EPN2: variants seen among roughly 807,000 people sequenced by gnomAD.
EPN2 encodes the protein epsin-2.
Under a neutral mutation model 61.7 loss-of-function variants are expected in EPN2, and 34 were observed. The observed-to-expected ratio is 0.55, with a 90% confidence interval of 0.42 to 0.73. EPN2 has a LOEUF of 0.73. EPN2 is among the 30% of genes least tolerant of loss of function. The probability of loss-of-function intolerance (pLI) is 0.00; values close to 1 mark genes in which losing one functional copy is unlikely to be tolerated. For missense variants in EPN2, 714 were observed against 839.2 expected (o/e 0.85, Z 1.84); for synonymous variants, 349 against 353.6 (o/e 0.99, Z 0.15).
chr17:19,330,149 A>C (rs554695893), intron 9 of EPN2, among the ~76,000 whole-genome samples: 6 of 152,262 alleles, frequency 3.9e-5, no homozygotes, highest in African/African-American at 7.2e-5. Flanking sequence ...AGGTGGATGC[A>C]GTGGGCCAAG....
chr17:19,249,686 G>A (rs1009186985), intron 1 of EPN2, among the ~76,000 whole-genome samples: 2 of 152,236 alleles, frequency 1.3e-5, no homozygotes, highest in Non-Finnish European at 2.9e-5. Flanking sequence ...TGTTTTGTTT[G>A]TGCCTCTTTC....
At chr17:19,276,598 T>C (rs1352397990) in intron 1 of EPN2, 1 of 151,978 alleles carries the variant, frequency 6.6e-6, no homozygotes, top group Non-Finnish European at 1.5e-5. Flanking sequence ...GCTGTCTTCA[T>C]TTAAAAATAT....
Position 19,332,021 on chromosome 17 carries a change from C to T in EPN2, c.1580C>T (p.Thr527Ile), listed in dbSNP as rs1249500599. 1.2e-6 allele frequency: 2 copies of T among 1,613,320 alleles called. No homozygotes were observed. Among genetic ancestry groups the T allele is most frequent in the African/African-American group, 1.3e-5 (1 of 74,912 alleles). Residue 527 changes from threonine (T) to isoleucine (I), a missense_variant, in exon 10 of 11, where the codon ACC (threonine) becomes ATC (isoleucine). Transcript: ENST00000314728. ...CTGGTGAACCTGGACTCACTGGTGA[C>T]CAGGCCTGCCCCACCAGCCCAGTCC... The part of the protein sequence containing the change: ...AALVNLDSLV[T>I]RPAPPAQSLN...
At chr17:19,315,158 A>G (rs1379135484) in intron 7 of EPN2, among the ~76,000 whole-genome samples, 1 of 152,222 alleles carries the variant, frequency 6.6e-6, no homozygotes, top group Non-Finnish European at 1.5e-5. Flanking sequence ...GTCAGGAGAG[A>G]CAAAAATCTC....
chr17:19,245,547 C>T (rs1258544954), intron 1 of EPN2, among the ~76,000 whole-genome samples: 3 of 151,890 alleles, frequency 2.0e-5, no homozygotes, highest in Non-Finnish European at 2.9e-5. Context: ...AGCAATCCTC[C>T]TGCCTCAGCC....
At chr17:19,251,467 A>AT (rs373947146) in intron 1 of EPN2, among the ~76,000 whole-genome samples, 1,567 of 146,700 alleles carry the variant, frequency 0.011, 8 homozygotes, top group Non-Finnish European at 0.015. Context: ...TTGTAGTTGA[A>AT]TTTTTTTTTT....
chr17:19,316,300 G>T (rs762888091), intron 7 of EPN2, among the ~76,000 whole-genome samples: 4 of 152,362 alleles, frequency 2.6e-5, no homozygotes, highest in African/African-American at 9.6e-5. Context: ...CTGAGGATGG[G>T]CACATGTGGC....
At chr17:19,262,767 G>A (rs935241620) in intron 1 of EPN2, among the ~76,000 whole-genome samples, 11 of 151,464 alleles carry the variant, frequency 7.3e-5, no homozygotes, top group African/African-American at 2.7e-4. Context: ...CCAGCCCCTG[G>A]CAACTATCAG....
intron 7 of EPN2, among the ~76,000 whole-genome samples, chr17:19,320,587 T>C (rs1330044270): frequency 6.6e-6 from 1 of 152,218 alleles, no homozygotes; most frequent in Non-Finnish European, 1.5e-5. Flanking sequence ...TCTGTGTGTA[T>C]GCAGAGGACA....
Position 19,277,400 on chromosome 17 carries a change from CAAAAAAAAAA to C in EPN2, c.-293-4543_-293-4534del, listed in dbSNP as rs58679739. 7.9e-5 allele frequency among the ~76,000 whole-genome samples: 6 copies of C among 75,480 alleles called. No homozygotes were observed. The South Asian group carries it at 1.9e-3, about 24-fold the overall frequency. 49.5% of individuals were successfully genotyped at this position (75,480 alleles called of 152,430 possible). On this transcript the variant is annotated intron_variant, in intron 1 of 10. Coordinates refer to ENST00000314728, the MANE Select transcript of EPN2 (RefSeq NM_014964.5). ...TGGGCAAAAGGGTGAGACTCTGTCTCAAAAAAAAAAAAAAAAAAAAAGAGAGAAATAACAG... is the reference window on the plus strand; with the variant it reads ...TGGGCAAAAGGGTGAGACTCTGTCTCAAAAAAAAAAAGAGAGAAATAACAG...
At chr17:19,312,228 C>T (rs1906175344) in intron 6 of EPN2, 84 bp downstream of exon 6, 8 of 945,786 alleles carry the variant, frequency 8.5e-6, no homozygotes, top group African/African-American at 1.6e-5. Context: ...GCCTGGATGG[C>T]GTGATGCACA....
intron 7 of EPN2, among the ~76,000 whole-genome samples, chr17:19,324,198 C>T (rs1906765178): frequency 1.3e-5 from 2 of 152,190 alleles, no homozygotes; most frequent in African/African-American, 4.8e-5. Flanking sequence ...AACACAATTT[C>T]TGATCACAGT....
chr17:19,320,258 G>A (rs781543840), intron 7 of EPN2, among the ~76,000 whole-genome samples: 45 of 152,294 alleles, frequency 3.0e-4, no homozygotes, highest in Middle Eastern at 3.4e-3. Context: ...CCTGTGACCC[G>A]CATGCTGGCT....
intron 1 of EPN2, among the ~76,000 whole-genome samples, chr17:19,269,078 T>C (rs2045229210): frequency 6.6e-6 from 1 of 152,202 alleles, no homozygotes. Context: ...TGGGGACTTA[T>C]TTTATTTGTC....
chr17:19,333,337 A>G (rs1907247745), intron 10 of EPN2, among the ~76,000 whole-genome samples: 1 of 151,440 alleles, frequency 6.6e-6, no homozygotes, highest in Admixed American at 6.6e-5. Context: ...GGTTTGGGCA[A>G]CTCTGCTGGA....
chr17:19,313,231 G>A lies in EPN2; in HGVS notation c.1099G>A (p.Gly367Ser). 7 of 1,594,794 alleles carry A rather than the reference G, an allele frequency of 4.4e-6. No homozygotes were observed. The highest frequency in any genetic ancestry group is 6.0e-6 in the Non-Finnish European group (7 of 1,173,320). Reference sequence around the variant, plus strand: ...CTCCACTAACCAGACCAACCCCTGGGGCGGGCCAGCGGCTCCTGCGAGTAC... The same window carrying A: ...CTCCACTAACCAGACCAACCCCTGGAGCGGGCCAGCGGCTCCTGCGAGTAC... ...SASTNQTNPW[G>S]GPAAPASTSD... Residue 367 changes from glycine (G) to serine (S), a missense_variant, in exon 7 of 11, where the codon GGC becomes AGC. By Grantham distance (56) the Gly-to-Ser change is moderately conservative. Transcript: ENST00000314728.
chr17:19,272,629 A>ATCTCC (rs1233537426), intron 1 of EPN2, among the ~76,000 whole-genome samples: 2 of 152,096 alleles, frequency 1.3e-5, no homozygotes, highest in African/African-American at 4.8e-5. Context: ...CTGGATTCCC[A>ATCTCC]TCTCCTCTCA....
At chr17:19,242,424 AAAAAAC>A (rs1415752832) in intron 1 of EPN2, among the ~76,000 whole-genome samples, 4 of 152,212 alleles carry the variant, frequency 2.6e-5, no homozygotes, top group Non-Finnish European at 4.4e-5. Context: ...CTCTTGTCTC[AAAAAAC>A]AAAAACAAAA....
chr17:19,253,148 G>A (rs1312758066), intron 1 of EPN2, among the ~76,000 whole-genome samples: 4 of 152,106 alleles, frequency 2.6e-5, no homozygotes, highest in Non-Finnish European at 5.9e-5. Flanking sequence ...CCCAGCCCCT[G>A]GTATCCGTTA....
Sources: allele counts gnomAD v4.1 joint callset (sites outside exome capture counted in the v4.1 genomes callset), GRCh38; gene constraint gnomAD v4.1.1; transcripts MANE v1.5; gene names NCBI Gene and HGNC (gene_info 2026-07-23, HGNC 2026-07-21).